The following C1orf56 variants were observed in gnomAD, a reference collection of about 807,000 sequenced individuals.
C1orf56 encodes protein MENT.
In C1orf56, 14 loss-of-function variants were observed where a neutral mutation model predicts 20.7. The observed-to-expected ratio is 0.68, with a 90% CI of 0.45 to 1.06. The LOEUF (loss-of-function observed/expected upper bound fraction) is 1.06, where lower values mean the gene tolerates loss of function less well. Ranked by LOEUF, C1orf56 falls within the 50% of genes least tolerant of loss-of-function variation. The pLI, the probability that C1orf56 is intolerant of heterozygous loss-of-function variation, is 0.00. For synonymous variants in C1orf56, 187 were observed against 194.7 expected (o/e 0.96, Z 0.33); for missense variants, 424 against 451.4 (o/e 0.94, Z 0.55).
rs1161534907 is a variant in C1orf56, at chr1:151,048,656, C to A, written c.809C>A (p.Thr270Asn). 1 of 1,613,488 alleles carries A rather than the reference C, an allele frequency of 6.2e-7. No individual in the cohort carries two copies. The highest frequency in any genetic ancestry group is 2.2e-5 in the East Asian group (1 of 44,896). The change falls in exon 1 of 2, where the codon ACT (threonine) becomes AAT (asparagine). Residue 270 changes from threonine to asparagine, a missense_variant. Coordinates refer to ENST00000368926, the MANE Select transcript of C1orf56 (RefSeq NM_017860.5). The surrounding 1 kb of genome is among the most constrained non-coding windows in gnomAD (Gnocchi z 4.8). ...TGCCCCCTGGACACAAGTCTCTGTA[C>A]TGACACCAACTGTGCCTCTCAGAGC... ...EECPLDTSLC[T>N]DTNCASQSTT...
rs956206465 is a variant in C1orf56 at position 151,050,712 on chromosome 1, C to T, written c.*254C>T. ...CTCAGGATAAAATGTTGATATTGCT[C>T]ATTTTCCTCATTTCCAACATTGTTT... is the stretch of plus-strand genomic sequence containing the variant. On this transcript the variant is annotated 3_prime_UTR_variant, in exon 2 of 2. Transcript: ENST00000368926. 1.3e-5 allele frequency: 5 copies of T among 381,184 alleles called. No individual in the cohort carries two copies. Among genetic ancestry groups the T allele is most frequent in the Non-Finnish European group, 2.3e-5 (5 of 213,646 alleles). 23.6% of individuals were successfully genotyped at this position (381,184 alleles called of 1,614,324 possible). A position where few individuals can be genotyped will look rare whatever the true frequency, so the allele number is the denominator to read the frequency against.
rs587748325 is a variant in C1orf56 at position 151,050,419 on chromosome 1, A to AT, written c.1006-10dup. ...GTGGTTGTAATTTCCCTTTTTCTCTATTTTTTTTTCTTACGCAGATAGACA... is the reference window on the plus strand; with the variant it reads ...GTGGTTGTAATTTCCCTTTTTCTCTATTTTTTTTTTCTTACGCAGATAGACA... On this transcript the variant is annotated intron_variant, in intron 1 of 1. Transcript: ENST00000368926. 8.5e-4 allele frequency: 1,313 copies of AT among 1,545,464 alleles called. No individual in the cohort carries two copies. Among genetic ancestry groups the AT allele is most frequent in the Admixed American group, 1.8e-3 (99 of 55,308 alleles).
chr1:151,049,961 A>C (rs1228924522), intron 1 of C1orf56, among the ~76,000 whole-genome samples: 2 of 152,264 alleles, frequency 1.3e-5, no homozygotes, highest in African/African-American at 4.8e-5. Context: ...ACTTTACCTG[A>C]ATCGATCCTC....
chr1:151,051,222 C>T lies in C1orf56; in HGVS notation c.*764C>T, dbSNP rs970359359. The T allele has an allele frequency of 2.0e-5, 3 of 151,812 alleles. No homozygotes were observed. Among genetic ancestry groups the T allele is most frequent in the Middle Eastern group, 3.2e-3 (1 of 316 alleles). The allele number at this position is 151,812 out of a possible 1,614,324, so 9.4% of individuals were successfully genotyped here. A position where few individuals can be genotyped will look rare whatever the true frequency, so the allele number is the denominator to read the frequency against. Reference sequence around the variant, plus strand: ...TCTAGGAGTCTCTAACCTTTCCACCCTATCCTGTTAACCCTTTAGATCTCT... The same window carrying T: ...TCTAGGAGTCTCTAACCTTTCCACCTTATCCTGTTAACCCTTTAGATCTCT... On this transcript the variant is annotated 3_prime_UTR_variant, in exon 2 of 2. Transcript: ENST00000368926.
At chr1:151,049,323 G>T (rs1018111587) in intron 1 of C1orf56, among the ~76,000 whole-genome samples, 1 of 148,292 alleles carries the variant, frequency 6.7e-6, no homozygotes, top group Admixed American at 6.9e-5. Context: ...TACCATGTTG[G>T]CCAGGCTGGT....
rs776194426 is a variant in C1orf56, at chr1:151,048,331, A to C, written c.484A>C (p.Thr162Pro). ...SSLPRSPGRS[T>P]EDLPGSQATL... ...CCTGCCGCGCTCCCCCGGGAGGTCT[A>C]CTGAGGACCTGCCAGGCTCGCAGGC... The change falls in exon 1 of 2, where the codon ACT (threonine) becomes CCT (proline). Residue 162 changes from threonine (T) to proline (P), a missense_variant. By Grantham distance (38) the Thr-to-Pro change is conservative. Coordinates refer to ENST00000368926, the MANE Select transcript of C1orf56 (RefSeq NM_017860.5). The surrounding 1 kb of genome is among the most constrained non-coding windows in gnomAD (Gnocchi z 4.8). 1 of 1,613,980 alleles carries C rather than the reference A, an allele frequency of 6.2e-7. No individual in the cohort carries two copies. The highest frequency in any genetic ancestry group is 8.5e-7 in the Non-Finnish European group (1 of 1,180,018).
Position 151,048,314 on chromosome 1 carries a change from G to T in C1orf56, c.467G>T (p.Arg156Leu), listed in dbSNP as rs778359132. The T allele has an allele frequency of 2.5e-6, 4 of 1,614,124 alleles. No individual in the cohort carries two copies. Among genetic ancestry groups the T allele is most frequent in the Non-Finnish European group, 3.4e-6 (4 of 1,180,022 alleles). Residue 156 changes from arginine to leucine, a missense_variant, in exon 1 of 2, where the codon CGC becomes CTC. Arg to Leu is a moderately radical substitution (Grantham distance 102, BLOSUM62 -2). Transcript: ENST00000368926. This position sits in a 1 kb window ranked among gnomAD's most constrained non-coding sequence, Gnocchi z 4.8. ...ATCAGGCTGACTTCAAGCCTGCCGCGCTCCCCCGGGAGGTCTACTGAGGAC... is the reference window on the plus strand; with the variant it reads ...ATCAGGCTGACTTCAAGCCTGCCGCTCTCCCCCGGGAGGTCTACTGAGGAC... The part of the protein sequence containing the change: ...PEIRLTSSLP[R>L]SPGRSTEDLP...
rs1418190125 is a variant in C1orf56, at chr1:151,051,143, CT to C, written c.*686del. On this transcript the variant is annotated 3_prime_UTR_variant, in exon 2 of 2. Coordinates refer to ENST00000368926, the MANE Select transcript of C1orf56 (RefSeq NM_017860.5). ...GCAAGAGAGCACCAAAGGAAAAAGACTGTCCAAAGAACAGGTATTAGAATGA... is the reference window on the plus strand; with the variant it reads ...GCAAGAGAGCACCAAAGGAAAAAGACGTCCAAAGAACAGGTATTAGAATGA... 1 of 152,008 alleles carries C rather than the reference CT, an allele frequency of 6.6e-6. No individual in the cohort carries two copies. Among genetic ancestry groups the C allele is most frequent in the Non-Finnish European group, 1.5e-5 (1 of 68,014 alleles). The allele number at this position is 152,008 out of a possible 1,614,324, so 9.4% of individuals were successfully genotyped here.
At position 151,048,593 on chromosome 1, in the gene C1orf56, C is replaced by T. The variant is rs1463361332; in HGVS notation, c.746C>T (p.Thr249Ile). 2 of 1,614,260 alleles carry T rather than the reference C, an allele frequency of 1.2e-6. No homozygotes were observed. Among genetic ancestry groups the T allele is most frequent in the South Asian group, 1.1e-5 (1 of 91,088 alleles). ...CTCCGCACGGAGCACAAGCCTTGCA[C>T]CTATCAACAATGTCCCTGCAACCGA... Reference protein sequence around the residue: ...SQLRTEHKPCTYQQCPCNRLR... With the variant: ...SQLRTEHKPCIYQQCPCNRLR... The change falls in exon 1 of 2, where the codon ACC (threonine) becomes ATC (isoleucine). Residue 249 changes from threonine (T) to isoleucine (I), a missense_variant. Transcript: ENST00000368926. This position sits in a 1 kb window ranked among gnomAD's most constrained non-coding sequence, Gnocchi z 4.8.
Position 151,048,228 on chromosome 1 carries a change from G to A in C1orf56, c.381G>A (p.Ala127=). The change falls in exon 1 of 2, where the codon GCG becomes GCA. Residue 127 remains alanine, a synonymous_variant. Coordinates refer to ENST00000368926, the MANE Select transcript of C1orf56 (RefSeq NM_017860.5). This position sits in a 1 kb window ranked among gnomAD's most constrained non-coding sequence, Gnocchi z 4.8. ...KDSTSRELPS[A]TPNTAGSSST... ...GCACCAGCAGAGAGCTTCCCAGTGC[G>A]ACTCCCAATACAGCGGGGAGTTCCA... 2 of 1,614,206 alleles carry A rather than the reference G, an allele frequency of 1.2e-6. No individual in the cohort carries two copies. Among genetic ancestry groups the A allele is most frequent in the Non-Finnish European group, 8.5e-7 (1 of 1,180,032 alleles).
Position 151,048,707 on chromosome 1 carries a change from C to A in C1orf56, c.860C>A (p.Thr287Asn). ...ACCACCAGTACCAGGACCACCACTA[C>A]CCCCTTCCCCACCATCCACCTCAGA... ...QSTTSTRTTT[T>N]PFPTIHLRSS... The change falls in exon 1 of 2, where the codon ACC becomes AAC. Residue 287 changes from threonine to asparagine, a missense_variant. By Grantham distance (65) the Thr-to-Asn change is moderately conservative. Coordinates refer to ENST00000368926, the MANE Select transcript of C1orf56 (RefSeq NM_017860.5). This position sits in a 1 kb window ranked among gnomAD's most constrained non-coding sequence, Gnocchi z 4.8. 1.2e-6 allele frequency: 2 copies of A among 1,611,626 alleles called. No individual in the cohort carries two copies. The highest frequency in any genetic ancestry group is 1.7e-6 in the Non-Finnish European group (2 of 1,178,638).
At chr1:151,050,409 CT>C in intron 1 of C1orf56, 28 bp from the exon 2 acceptor site, 1 of 1,600,194 alleles carries the variant, frequency 6.2e-7, no homozygotes, top group South Asian at 1.1e-5. Context: ...TGTAATTTCC[CT>C]TTTTCTCTAT....
Position 151,048,564 on chromosome 1 carries a change from C to G in C1orf56, c.717C>G (p.Ser239Arg), listed in dbSNP as rs770418135. ...LSGRLRVGALSQLRTEHKPCT... is the reference protein window; with the variant it reads ...LSGRLRVGALRQLRTEHKPCT... The stretch of plus-strand genomic sequence containing the variant: ...GGCGCCTTCGAGTTGGGGCGCTGAG[C>G]CAGCTCCGCACGGAGCACAAGCCTT... Residue 239 changes from serine (S) to arginine (R), a missense_variant, in exon 1 of 2, where the codon AGC becomes AGG. Physicochemically the swap from Ser to Arg is moderately radical, Grantham distance 110. Coordinates refer to ENST00000368926, the MANE Select transcript of C1orf56 (RefSeq NM_017860.5). The surrounding 1 kb of genome is among the most constrained non-coding windows in gnomAD (Gnocchi z 4.8). 3.7e-6 allele frequency: 6 copies of G among 1,614,070 alleles called. No individual in the cohort carries two copies. In the South Asian group the frequency reaches 6.6e-5, roughly 18 times the overall value.
chr1:151,048,625 G>C lies in C1orf56; in HGVS notation c.778G>C (p.Glu260Gln), dbSNP rs1243415843. ...YQQCPCNRLREECPLDTSLCT... is the reference protein window; with the variant it reads ...YQQCPCNRLRQECPLDTSLCT... ...ACAATGTCCCTGCAACCGACTTCGG[G>C]AAGAGTGCCCCCTGGACACAAGTCT... The change falls in exon 1 of 2, where the codon GAA becomes CAA. Residue 260 changes from glutamate (E) to glutamine (Q), a missense_variant. Coordinates refer to ENST00000368926, the MANE Select transcript of C1orf56 (RefSeq NM_017860.5). This position sits in a 1 kb window ranked among gnomAD's most constrained non-coding sequence, Gnocchi z 4.8. 6.2e-7 allele frequency: 1 copy of C among 1,612,486 alleles called. No individual in the cohort carries two copies.
chr1:151,048,346 G>C lies in C1orf56; in HGVS notation c.499G>C (p.Gly167Arg). Residue 167 changes from glycine to arginine, a missense_variant, in exon 1 of 2, where the codon GGC becomes CGC. By Grantham distance (125) the Gly-to-Arg change is moderately radical. Transcript: ENST00000368926. The surrounding 1 kb of genome is among the most constrained non-coding windows in gnomAD (Gnocchi z 4.8). ...CGGGAGGTCTACTGAGGACCTGCCAGGCTCGCAGGCCACCCTGAGCCAGTG... is the reference window on the plus strand; with the variant it reads ...CGGGAGGTCTACTGAGGACCTGCCACGCTCGCAGGCCACCCTGAGCCAGTG... Reference protein sequence around the residue: ...SPGRSTEDLPGSQATLSQWST... With the variant: ...SPGRSTEDLPRSQATLSQWST... The C allele has an allele frequency of 6.2e-7, 1 of 1,613,948 alleles. No individual in the cohort carries two copies. Among genetic ancestry groups the C allele is most frequent in the African/African-American group, 1.3e-5 (1 of 75,080 alleles).
rs2102972471 is a variant in C1orf56 at position 151,050,568 on chromosome 1, AT to A, written c.*112del. 1 of 1,106,860 alleles carries A rather than the reference AT, an allele frequency of 9.0e-7. No homozygotes were observed. Among genetic ancestry groups the A allele is most frequent in the South Asian group, 1.5e-5 (1 of 66,964 alleles). The allele number at this position is 1,106,860 out of a possible 1,614,324, so 68.6% of individuals were successfully genotyped here. A position where few individuals can be genotyped will look rare whatever the true frequency, so the allele number is the denominator to read the frequency against. ...ACAGAAAAACAAAACTGGAAAACAC[AT>A]TGTTTGGTCTTGTGTTTCTTTACAG... On this transcript the variant is annotated 3_prime_UTR_variant, in exon 2 of 2. Transcript: ENST00000368926.
chr1:151,048,853 G>C lies in C1orf56; in HGVS notation c.1005+1G>C. On this transcript the variant is annotated splice_donor_variant, in intron 1 of 1. Transcript: ENST00000368926. LOFTEE classifies it high-confidence loss of function. This position sits in a 1 kb window ranked among gnomAD's most constrained non-coding sequence, Gnocchi z 4.8. ...TTCAGTGTTCACAGAGATGCAACCA[G>C]TAAGTGTTTGGTGATGAGCCAGGGT... 7.8e-6 allele frequency: 12 copies of C among 1,539,734 alleles called. No homozygotes were observed. Among genetic ancestry groups the C allele is most frequent in the Non-Finnish European group, 1.1e-5 (12 of 1,141,848 alleles).
At position 151,050,439 on chromosome 1, in the gene C1orf56, T is replaced by TA. The variant is rs769294129; in HGVS notation, c.1008dup (p.Asp337ArgfsTer13). The TA allele has an allele frequency of 9.3e-6, 15 of 1,609,104 alleles. No individual in the cohort carries two copies. The highest frequency in any genetic ancestry group is 1.2e-5 in the Non-Finnish European group (14 of 1,178,322). On this transcript the variant is annotated frameshift_variant and splice_region_variant, in exon 2 of 2. Coordinates refer to ENST00000368926, the MANE Select transcript of C1orf56 (RefSeq NM_017860.5). LOFTEE classifies it high-confidence loss of function. The stretch of plus-strand genomic sequence containing the variant: ...TCTCTATTTTTTTTTCTTACGCAGA[T>TA]AGACAGAAACCAGAGGTAATGGCCA...
Position 151,051,102 on chromosome 1 carries a change from G to C in C1orf56, c.*644G>C, listed in dbSNP as rs964854692. 1.3e-5 allele frequency: 2 copies of C among 151,996 alleles called. No individual in the cohort carries two copies. The highest frequency in any genetic ancestry group is 4.8e-5 in the African/African-American group (2 of 41,344). 9.4% of individuals were successfully genotyped at this position (151,996 alleles called of 1,614,324 possible). ...ATTAGTGATGGTAGCATACATATTA[G>C]AGAAGGTAGCTAAAGGCAAGAGAGC... On this transcript the variant is annotated 3_prime_UTR_variant, in exon 2 of 2. Coordinates refer to ENST00000368926, the MANE Select transcript of C1orf56 (RefSeq NM_017860.5).
Sources: allele counts gnomAD v4.1 joint callset (sites outside exome capture counted in the v4.1 genomes callset), GRCh38; gene constraint gnomAD v4.1.1; non-coding constraint Gnocchi (gnomAD v3.1); transcripts MANE v1.5; gene names NCBI Gene and HGNC (gene_info 2026-07-23, HGNC 2026-07-21).